TXNDC15: variants seen among roughly 807,000 people sequenced by gnomAD.
The protein encoded by TXNDC15 is thioredoxin domain-containing protein 15.
In TXNDC15, 24 loss-of-function variants were observed where a neutral mutation model predicts 35.0. The ratio of observed to expected loss-of-function variants is 0.68; its 90% CI spans 0.50 to 0.96. The LOEUF (loss-of-function observed/expected upper bound fraction) is 0.96, where lower values mean the gene tolerates loss of function less well. Among genes scored for constraint, TXNDC15 ranks in the 40% least tolerant of loss-of-function variants. The pLI is 0.00. For missense variants in TXNDC15, 385 were observed against 453.3 expected (o/e 0.85, Z 1.37); for synonymous variants, 169 against 174.0 (o/e 0.97, Z 0.23).
At position 134,888,166 on chromosome 5, in the gene TXNDC15, T is replaced by A; in HGVS notation, c.575T>A (p.Ile192Asn). Residue 192 changes from isoleucine (I) to asparagine (N), a missense_variant, in exon 2 of 5, where the codon ATT becomes AAT. Transcript: ENST00000358387. The stretch of plus-strand genomic sequence containing the variant: ...GGATTAGAAAATTTCACTCTGAAAA[T>A]TTTAAATATGTCACAGGTAAGGAAA... Reference protein sequence around the residue: ...ITGLENFTLKILNMSQDLMDF... With the variant: ...ITGLENFTLKNLNMSQDLMDF... 2 of 1,602,912 alleles carry A rather than the reference T, an allele frequency of 1.2e-6. No homozygotes were observed. The highest frequency in any genetic ancestry group is 2.2e-5 in the South Asian group (2 of 89,716).
rs1025666275 is a variant in TXNDC15 at position 134,900,188 on chromosome 5, T to C, written c.*503T>C. 6.6e-6 allele frequency: 1 copy of C among 152,202 alleles called. No homozygotes were observed. The highest frequency in any genetic ancestry group is 2.4e-5 in the African/African-American group (1 of 41,326). The allele number at this position is 152,202 out of a possible 1,614,324, so 9.4% of individuals were successfully genotyped here. A position where few individuals can be genotyped will look rare whatever the true frequency, so the allele number is the denominator to read the frequency against. On this transcript the variant is annotated 3_prime_UTR_variant, in exon 5 of 5. Transcript: ENST00000358387. ...CCCTCAAGTAGCAAGTGATGGAAAATAAGAGTCAAATACCTTGATGTTTGT... is the reference window on the plus strand; with the variant it reads ...CCCTCAAGTAGCAAGTGATGGAAAACAAGAGTCAAATACCTTGATGTTTGT...
intron 2 of TXNDC15, among the ~76,000 whole-genome samples, chr5:134,890,847 A>G (rs954334277): frequency 6.6e-6 from 1 of 152,240 alleles, no homozygotes; most frequent in Non-Finnish European, 1.5e-5. Context: ...TGCATTATCA[A>G]CTAAGTTTAT....
rs898932955 is a variant in TXNDC15 at position 134,896,420 on chromosome 5, G to GA, written c.883dup (p.Thr295AsnfsTer41). 1.2e-6 allele frequency: 2 copies of GA among 1,613,360 alleles called. No homozygotes were observed. The highest frequency in any genetic ancestry group is 1.7e-6 in the Non-Finnish European group (2 of 1,179,786). ...CACTGAAAATCTTCATTTTTAATCA[G>GA]ACAGGTATGTGGAAGTAATGTGCTG... On this transcript the variant is annotated frameshift_variant, in exon 4 of 5. Transcript: ENST00000358387. LOFTEE classifies it high-confidence loss of function.
At chr5:134,885,141 C>G (rs1160498435) in intron 1 of TXNDC15, among the ~76,000 whole-genome samples, 1 of 152,090 alleles carries the variant, frequency 6.6e-6, no homozygotes, top group South Asian at 2.1e-4. Context: ...AGGCTGGTCT[C>G]AAACTTCTGA....
At chr5:134,894,931 T>C (rs1750460922) in intron 3 of TXNDC15, among the ~76,000 whole-genome samples, 1 of 152,034 alleles carries the variant, frequency 6.6e-6, no homozygotes, top group African/African-American at 2.4e-5. Context: ...CCCATCACTT[T>C]GAGAGGCCAA....
intron 1 of TXNDC15, among the ~76,000 whole-genome samples, chr5:134,884,056 TA>T (rs1750222006): frequency 6.7e-6 from 1 of 148,436 alleles, no homozygotes; most frequent in African/African-American, 2.5e-5. Flanking sequence ...TCATCTCTAC[TA>T]AAAAATACAA....
At chr5:134,875,097 A>G (rs975176062) in intron 1 of TXNDC15, 9 of 455,986 alleles carry the variant, frequency 2.0e-5, no homozygotes, top group Middle Eastern at 3.2e-4. Flanking sequence ...ACGCTGCTGG[A>G]CCACTGTCTT....
intron 1 of TXNDC15, among the ~76,000 whole-genome samples, chr5:134,882,633 C>T (rs1750180296): frequency 2.0e-5 from 3 of 152,246 alleles, no homozygotes; most frequent in African/African-American, 7.2e-5. Flanking sequence ...CGGTTAGGAG[C>T]TGGAGACCAG....
At chr5:134,895,637 C>T (rs575779759) in intron 3 of TXNDC15, among the ~76,000 whole-genome samples, 1 of 152,318 alleles carries the variant, frequency 6.6e-6, no homozygotes, top group South Asian at 2.1e-4. Flanking sequence ...TACTATTTTA[C>T]TAATGCGGAA....
At chr5:134,898,482 A>G (rs1339910048) in intron 4 of TXNDC15, among the ~76,000 whole-genome samples, 1 of 152,240 alleles carries the variant, frequency 6.6e-6, no homozygotes, top group Non-Finnish European at 1.5e-5. Context: ...GGAAATAAAT[A>G]AAAATTATAA....
In TXNDC15 at chr5:134,899,886, T is replaced by C; in HGVS notation, c.*201T>C. On this transcript the variant is annotated 3_prime_UTR_variant, in exon 5 of 5. Coordinates refer to ENST00000358387, the MANE Select transcript of TXNDC15 (RefSeq NM_024715.4). ...GTATTGCAATAAGCAAATGCAAAAATATTCAATAGATGCACTATTCTTGTT... is the reference window on the plus strand; with the variant it reads ...GTATTGCAATAAGCAAATGCAAAAACATTCAATAGATGCACTATTCTTGTT... 2.0e-6 allele frequency: 1 copy of C among 493,028 alleles called. No individual in the cohort carries two copies. The highest frequency in any genetic ancestry group is 3.5e-6 in the Non-Finnish European group (1 of 283,856). 30.5% of individuals were successfully genotyped at this position (493,028 alleles called of 1,614,324 possible).
In TXNDC15 at chr5:134,874,394, G is replaced by C. The variant is rs778574048; in HGVS notation, c.-34G>C. 6.5e-7 allele frequency: 1 copy of C among 1,541,056 alleles called. No individual in the cohort carries two copies. The highest frequency in any genetic ancestry group is 8.7e-7 in the Non-Finnish European group (1 of 1,144,612). ...TCCTCCGGCTGGCAGCACGACTCGC[G>C]TAGCCGTGCGCCGATTGCCTCTCGG... On this transcript the variant is annotated 5_prime_UTR_variant, in exon 1 of 5. Transcript: ENST00000358387.
chr5:134,900,838 AGTGCAATG>A lies in TXNDC15; in HGVS notation c.*1161_*1168del, dbSNP rs1750587124. On this transcript the variant is annotated 3_prime_UTR_variant, in exon 5 of 5. Coordinates refer to ENST00000358387, the MANE Select transcript of TXNDC15 (RefSeq NM_024715.4). ...AGTCTCACTCTGTCACCTAGGCTGG[AGTGCAATG>A]GTGCAATCTTGGCTCACTGCAACCT... 1 of 151,198 alleles carries A rather than the reference AGTGCAATG, an allele frequency of 6.6e-6. No individual in the cohort carries two copies. Among genetic ancestry groups the A allele is most frequent in the African/African-American group, 2.4e-5 (1 of 40,982 alleles). The allele number at this position is 151,198 out of a possible 1,614,324, so 9.4% of individuals were successfully genotyped here. A position where few individuals can be genotyped will look rare whatever the true frequency, so the allele number is the denominator to read the frequency against.
intron 1 of TXNDC15, among the ~76,000 whole-genome samples, chr5:134,882,562 T>C (rs1374497880): frequency 3.3e-5 from 5 of 152,192 alleles, no homozygotes; most frequent in African/African-American, 1.2e-4. Flanking sequence ...CATTGAGCAC[T>C]GAGTGAAGGA....
At chr5:134,876,896 A>G (rs2150183170) in intron 1 of TXNDC15, among the ~76,000 whole-genome samples, 1 of 152,208 alleles carries the variant, frequency 6.6e-6, no homozygotes, top group Middle Eastern at 3.4e-3. Flanking sequence ...ACTCTTCCCT[A>G]GGCAGTCAGC....
At chr5:134,889,831 C>G (rs770119282) in intron 2 of TXNDC15, among the ~76,000 whole-genome samples, 4 of 152,168 alleles carry the variant, frequency 2.6e-5, no homozygotes, top group Non-Finnish European at 5.9e-5. Flanking sequence ...AGAAGTTATA[C>G]TATATTGTAG....
chr5:134,884,502 C>T (rs183348879), intron 1 of TXNDC15, among the ~76,000 whole-genome samples: 2 of 151,936 alleles, frequency 1.3e-5, no homozygotes, highest in Non-Finnish European at 1.5e-5. Context: ...CCCGCCTCAG[C>T]CTCCCAAAGT....
intron 2 of TXNDC15, among the ~76,000 whole-genome samples, chr5:134,891,594 A>G (rs1750388390): frequency 6.6e-6 from 1 of 152,146 alleles, no homozygotes; most frequent in African/African-American, 2.4e-5. Context: ...AATTTAGCAT[A>G]ATTTTTAAAG....
intron 1 of TXNDC15, among the ~76,000 whole-genome samples, chr5:134,881,614 G>A (rs1372386082): frequency 3.7e-5 from 5 of 134,624 alleles, no homozygotes; most frequent in African/African-American, 1.1e-4. Context: ...GCAACCATCC[G>A]ATTTCTCAAT....
Sources: gnomAD v4.1 joint callset for allele counts (sites outside exome capture counted in the v4.1 genomes callset) on GRCh38, gnomAD v4.1.1 for gene constraint, MANE v1.5 for transcripts, NCBI Gene and HGNC (gene_info 2026-07-23, HGNC 2026-07-21) for gene names.